DDX43: variants seen among roughly 807,000 people sequenced by gnomAD.
DDX43 encodes DEAD-box helicase 43, also known as probable ATP-dependent RNA helicase DDX43.
In DDX43, 50 loss-of-function variants were observed where a neutral mutation model predicts 84.9. The ratio of observed to expected loss-of-function variants is 0.59; its 90% confidence interval spans 0.47 to 0.75. The LOEUF (loss-of-function observed/expected upper bound fraction) is 0.75. Among genes scored for constraint, DDX43 ranks in the 30% least tolerant of loss-of-function variants. DDX43 has a pLI of 0.00. For synonymous variants in DDX43, 291 were observed against 266.3 expected, an observed-to-expected ratio of 1.09 and a Z score of -0.90; for missense variants, 689 against 798.6, an observed-to-expected ratio of 0.86 and a Z score of 1.65.
rs773535122 is a variant in DDX43, at chr6:73,414,500, T to C, written c.1607-48T>C. On this transcript the variant is annotated intron_variant, in intron 13 of 16. Coordinates refer to ENST00000370336, the MANE Select transcript of DDX43 (RefSeq NM_018665.3). Reference sequence around the variant, plus strand: ...GCAAATATTATTTTTAGATCTTGGGTTGGTTTATACCAGAATGGTTCAGTG... The same window carrying C: ...GCAAATATTATTTTTAGATCTTGGGCTGGTTTATACCAGAATGGTTCAGTG... 4 of 1,469,912 alleles carry C rather than the reference T, an allele frequency of 2.7e-6. No homozygotes were observed. The Admixed American group carries it at 8.8e-5, about 32-fold the overall frequency. 91.1% of individuals were successfully genotyped at this position (1,469,912 alleles called of 1,614,324 possible).
rs911588171 is a variant in DDX43, at chr6:73,400,356, C to T, written c.429C>T (p.Cys143=). The change falls in exon 3 of 17, where the codon TGC becomes TGT. Residue 143 remains cysteine, a synonymous_variant. Transcript: ENST00000370336. ...TAGAAGAAAATTACAATTCAGAATG[C>T]GGAATTGGTAAGTAATTTTCTCCCA... ...KKLEENYNSE[C]GIDTAFQPSV... 14 of 1,602,448 alleles carry T rather than the reference C, an allele frequency of 8.7e-6. No individual in the cohort carries two copies. The highest frequency in any genetic ancestry group is 2.7e-5 in the African/African-American group (2 of 74,216).
intron 10 of DDX43, among the ~76,000 whole-genome samples, chr6:73,411,664 G>A (rs1407308642): frequency 6.6e-6 from 1 of 151,904 alleles, no homozygotes; most frequent in Admixed American, 6.6e-5. Context: ...AGTTGAAGGT[G>A]TACAGGTATC....
In DDX43 at chr6:73,412,680, T is replaced by TGC. The variant is rs1213873717; in HGVS notation, c.1368+389_1368+390insCG. Among the ~76,000 whole-genome samples, 12 of 108,622 alleles carry TGC rather than the reference T, an allele frequency of 1.1e-4. 1 individual carries two copies. Among genetic ancestry groups the TGC allele is most frequent in the South Asian group, 3.2e-4 (1 of 3,126 alleles). 71.3% of individuals were successfully genotyped at this position (108,622 alleles called of 152,430 possible). On this transcript the variant is annotated intron_variant, in intron 11 of 16. Coordinates refer to ENST00000370336, the MANE Select transcript of DDX43 (RefSeq NM_018665.3). Reference sequence around the variant, plus strand: ...GTGTGTGTGTGTGTGCGCGCGCGCGTGTGTGTGTGTGCGCGTGCGTGCGCA... The same window carrying TGC: ...GTGTGTGTGTGTGTGCGCGCGCGCGTGCGTGTGTGTGTGCGCGTGCGTGCGCA...
At chr6:73,412,705 A>G (rs115245363) in intron 11 of DDX43, among the ~76,000 whole-genome samples, 4,695 of 98,470 alleles carry the variant, frequency 0.048, 294 homozygotes, top group East Asian at 0.2. Context: ...GTGCGTGCGC[A>G]CGCATGTGCA....
Position 73,415,589 on chromosome 6 carries a change from G to A in DDX43, c.1833+5G>A, listed in dbSNP as rs775945322. On this transcript the variant is annotated splice_donor_5th_base_variant and intron_variant, in intron 15 of 16. Coordinates refer to ENST00000370336, the MANE Select transcript of DDX43 (RefSeq NM_018665.3). ...ATTCTGGAAAGAGCAAATCAGGTGA[G>A]ACTATGCAATTCATTAGAAATCTAC... 2 of 1,595,016 alleles carry A rather than the reference G, an allele frequency of 1.3e-6. No homozygotes were observed. Among genetic ancestry groups the A allele is most frequent in the Non-Finnish European group, 1.7e-6 (2 of 1,164,422 alleles).
Position 73,405,800 on chromosome 6 carries a change from A to C in DDX43, c.772A>C (p.Lys258Gln). 1 of 1,614,066 alleles carries C rather than the reference A, an allele frequency of 6.2e-7. No individual in the cohort carries two copies. The highest frequency in any genetic ancestry group is 2.2e-5 in the East Asian group (1 of 44,880). ...TTATCCTGAGGTTATGGAAAACATT[A>C]AAAAGGCAGGTTTTCAAAAGCCAAC... ...QCYPEVMENI[K>Q]KAGFQKPTPI... Residue 258 changes from lysine to glutamine, a missense_variant, in exon 6 of 17, where the codon AAA becomes CAA. By Grantham distance (53) the Lys-to-Gln change is moderately conservative (BLOSUM62 1). Transcript: ENST00000370336.
rs755222207 is a variant in DDX43, at chr6:73,416,259, T to C, written c.*25+8T>C. 1 of 1,103,920 alleles carries C rather than the reference T, an allele frequency of 9.1e-7. No homozygotes were observed. The highest frequency in any genetic ancestry group is 1.5e-5 in the African/African-American group (1 of 65,292). The allele number at this position is 1,103,920 out of a possible 1,614,324, so 68.4% of individuals were successfully genotyped here. A position where few individuals can be genotyped will look rare whatever the true frequency, so the allele number is the denominator to read the frequency against. On this transcript the variant is annotated splice_region_variant and intron_variant, in intron 16 of 16. Coordinates refer to ENST00000370336, the MANE Select transcript of DDX43 (RefSeq NM_018665.3). Reference sequence around the variant, plus strand: ...TGTACTAGTGGGGTAGAGGTAAAAGTTCAATAACATATGGACTTTAAAATG... The same window carrying C: ...TGTACTAGTGGGGTAGAGGTAAAAGCTCAATAACATATGGACTTTAAAATG...
chr6:73,411,124 C>T (rs12528133), intron 10 of DDX43, among the ~76,000 whole-genome samples: 4 of 138,358 alleles, frequency 2.9e-5, no homozygotes, highest in South Asian at 2.3e-4. Context: ...TGCAGTGAGC[C>T]GAGATCACGC....
chr6:73,412,157 G>A (rs763855635), intron 10 of DDX43, 48 bp from the exon 11 acceptor site: 1 of 1,485,446 alleles, frequency 6.7e-7, no homozygotes, highest in Non-Finnish European at 9.3e-7. Flanking sequence ...AGGAAACATA[G>A]TAATGTTTTT....
intron 8 of DDX43, 130 bp downstream of exon 8, chr6:73,407,745 A>G (rs550315614): frequency 5.0e-6 from 4 of 799,106 alleles, no homozygotes; most frequent in Non-Finnish European, 8.1e-6. Flanking sequence ...GGCATTTAGC[A>G]CTACTCTAAT....
intron 1 of DDX43, 78 bp downstream of exon 1, chr6:73,395,233 T>G (rs1769442447): frequency 1.4e-6 from 2 of 1,480,828 alleles, no homozygotes; most frequent in Non-Finnish European, 1.8e-6. Flanking sequence ...TCCTCCCCAC[T>G]GCCTCACCTC....
rs1324086840 is a variant in DDX43 at position 73,408,119 on chromosome 6, G to C, written c.1179+18G>C. On this transcript the variant is annotated intron_variant, in intron 9 of 16. Coordinates refer to ENST00000370336, the MANE Select transcript of DDX43 (RefSeq NM_018665.3). The stretch of plus-strand genomic sequence containing the variant: ...CCTACTTGGTAATCATGGAAATAGG[G>C]GTTTGAGATGCTGGGTTCAAAAATA... 6.2e-7 allele frequency: 1 copy of C among 1,611,628 alleles called. No individual in the cohort carries two copies. The highest frequency in any genetic ancestry group is 1.7e-5 in the Admixed American group (1 of 59,732).
At position 73,397,744 on chromosome 6, in the gene DDX43, A is replaced by T. The variant is rs989876522; in HGVS notation, c.306A>T (p.Gln102His). The T allele has an allele frequency of 6.2e-7, 1 of 1,613,658 alleles. No individual in the cohort carries two copies. Among genetic ancestry groups the T allele is most frequent in the African/African-American group, 1.3e-5 (1 of 74,932 alleles). ...AAAGTACAACAAACACCACAATCCA[A>T]GTAAGCCATCTGTGTTTTTCGGCCC... ...NIQSTTNTTI[Q>H]IIQEQPESLV... Residue 102 changes from glutamine to histidine, a missense_variant and splice_region_variant, in exon 2 of 17, where the codon CAA (glutamine) becomes CAT (histidine). Gln to His is a conservative substitution (Grantham distance 24). Around this residue, in one of 2 missense-constraint regions of DDX43, gnomAD observed 552 missense variants for 692.7 expected, o/e 0.80. Coordinates refer to ENST00000370336, the MANE Select transcript of DDX43 (RefSeq NM_018665.3).
intron 11 of DDX43, among the ~76,000 whole-genome samples, chr6:73,412,638 A>ATAGTGTGTGTGTGTGTGTGT (rs376258603): frequency 5.0e-4 from 30 of 59,712 alleles, no homozygotes; most frequent in Non-Finnish European, 6.1e-4. Context: ...ATATATATAT[A>ATAGTGTGTGTGTGTGTGTGT]GTGTGTGTGT....
At chr6:73,413,568 A>C in intron 11 of DDX43, 90 bp from the exon 12 acceptor site, 1 of 1,295,282 alleles carries the variant, frequency 7.7e-7, no homozygotes, top group Admixed American at 2.5e-5. Context: ...ACATTAACCA[A>C]TGAGAGAGAA....
At chr6:73,412,688 T>TGC in intron 11 of DDX43, among the ~76,000 whole-genome samples, 3 of 115,234 alleles carry the variant, frequency 2.6e-5, no homozygotes, top group Admixed American at 8.8e-5. Flanking sequence ...CGTGTGTGTG[T>TGC]GTGCGCGTGC....
At chr6:73,401,801 CAAAA>C (rs60478350) in intron 3 of DDX43, 54 bp from the exon 4 acceptor site, 6,619 of 1,068,996 alleles carry the variant, frequency 6.2e-3, no homozygotes, top group Admixed American at 0.011. Flanking sequence ...GACTCCATCT[CAAAA>C]AAAAAAAAAA....
At chr6:73,402,580 AATTTT>A (rs943215651) in intron 4 of DDX43, among the ~76,000 whole-genome samples, 4 of 151,254 alleles carry the variant, frequency 2.6e-5, no homozygotes, top group African/African-American at 7.3e-5. Context: ...GCCTTGTTTG[AATTTT>A]ATTTTATTTT....
chr6:73,401,637 C>T (rs904878918), intron 3 of DDX43, among the ~76,000 whole-genome samples: 5 of 151,986 alleles, frequency 3.3e-5, no homozygotes, highest in African/African-American at 1.2e-4. Flanking sequence ...CCCGTCTCTA[C>T]TATAAAATAC....
Sources: allele counts gnomAD v4.1 joint callset (sites outside exome capture counted in the v4.1 genomes callset), GRCh38; gene constraint gnomAD v4.1.1; regional missense constraint gnomAD v4.1.1; transcripts MANE v1.5; gene names NCBI Gene and HGNC (gene_info 2026-07-23, HGNC 2026-07-21).